The following NTRK2 variants were observed in gnomAD, a reference collection of about 807,000 sequenced individuals.
NTRK2 encodes the protein neurotrophic receptor tyrosine kinase 2, also known as BDNF/NT-3 growth factors receptor.
A neutral mutation model predicts 94.5 loss-of-function variants in NTRK2; 13 were observed. The observed-to-expected ratio is 0.14, with a 90% CI of 0.09 to 0.22. NTRK2 has a LOEUF of 0.22. Ranked by LOEUF, NTRK2 falls within the 10% of genes least tolerant of loss-of-function variation. The pLI is 1.00. For missense variants in NTRK2, 639 were observed against 1,071.2 expected (o/e 0.60, Z 5.63); for synonymous variants, 372 against 407.4 (o/e 0.91, Z 1.05).
chr9:84,843,927 G>A (rs138345344), intron 12 of NTRK2, among the ~76,000 whole-genome samples: 1 of 152,166 alleles, frequency 6.6e-6, no homozygotes, highest in Non-Finnish European at 1.5e-5. Flanking sequence ...TGAGGGAAAA[G>A]GATTTTAAGG....
chr9:84,796,949 C>T (rs929476668), intron 12 of NTRK2, among the ~76,000 whole-genome samples: 3 of 151,974 alleles, frequency 2.0e-5, no homozygotes, highest in African/African-American at 7.3e-5. Flanking sequence ...AATTTTGATT[C>T]CTTTATATAT....
Position 84,971,587 on chromosome 9 carries a change from A to T in NTRK2, c.2172+16070A>T, listed in dbSNP as rs551635502. On this transcript the variant is annotated intron_variant, in intron 17 of 18. Coordinates refer to ENST00000277120, the MANE Select transcript of NTRK2 (RefSeq NM_006180.6). Reference sequence around the variant, plus strand: ...ATGGCAGATGGCCAGTGTGCTGGACATAGAGCCCAAGGTGCAAAACCCAGC... The same window carrying T: ...ATGGCAGATGGCCAGTGTGCTGGACTTAGAGCCCAAGGTGCAAAACCCAGC... 2.1e-4 allele frequency among the ~76,000 whole-genome samples: 32 copies of T among 152,352 alleles called. No homozygotes were observed. The East Asian group carries it at 2.3e-3, about 11-fold the overall frequency.
At chr9:84,698,141 G>A (rs987930397) in intron 2 of NTRK2, among the ~76,000 whole-genome samples, 8 of 152,062 alleles carry the variant, frequency 5.3e-5, no homozygotes, top group African/African-American at 1.9e-4. Context: ...GTATGTGTGT[G>A]TGTGTGTGTA....
At position 84,779,463 on chromosome 9, in the gene NTRK2, G is replaced by A. The variant is rs531987546; in HGVS notation, c.1396+27378G>A. On this transcript the variant is annotated intron_variant, in intron 12 of 18. Transcript: ENST00000277120. ...CCAACCCCCTCATCTTTTCTTTTGTGGTGAAGGCAAAAATAGAAGTGAATC... is the reference window on the plus strand; with the variant it reads ...CCAACCCCCTCATCTTTTCTTTTGTAGTGAAGGCAAAAATAGAAGTGAATC... Among the ~76,000 whole-genome samples, 6 of 152,234 alleles carry A rather than the reference G, an allele frequency of 3.9e-5. No homozygotes were observed. In the East Asian group the frequency reaches 9.7e-4, roughly 24 times the overall value.
At chr9:84,690,926 A>T (rs1587970130) in intron 2 of NTRK2, among the ~76,000 whole-genome samples, 2 of 152,334 alleles carry the variant, frequency 1.3e-5, no homozygotes, top group South Asian at 4.1e-4. Flanking sequence ...AATGAATGTT[A>T]AAAATGTCAC....
At chr9:84,826,906 A>T (rs187435665) in intron 12 of NTRK2, among the ~76,000 whole-genome samples, 1 of 152,188 alleles carries the variant, frequency 6.6e-6, no homozygotes, top group African/African-American at 2.4e-5. Flanking sequence ...TGTTTGTTGA[A>T]TGAATAAACA....
At position 84,706,533 on chromosome 9, in the gene NTRK2, T is replaced by G. The variant is rs575174291; in HGVS notation, c.360-1311T>G. Among the ~76,000 whole-genome samples the G allele has an allele frequency of 4.5e-3, 557 of 124,948 alleles. 4 individuals carry two copies. The highest frequency in any genetic ancestry group is 0.015 in the African/African-American group (513 of 34,122). 82.0% of individuals were successfully genotyped at this position (124,948 alleles called of 152,430 possible). A position where few individuals can be genotyped will look rare whatever the true frequency, so the allele number is the denominator to read the frequency against. On this transcript the variant is annotated intron_variant, in intron 4 of 18. Transcript: ENST00000277120. The stretch of plus-strand genomic sequence containing the variant: ...TGTGTTATTTTTTGTTTTTGTTTTT[T>G]TTTTTTTTTTTTTTGAGACGGAGTC...
At chr9:84,882,719 T>TGTGCGCGCGCGCGCGCGCGCGC (rs761042296) in intron 14 of NTRK2, among the ~76,000 whole-genome samples, 1 of 145,742 alleles carries the variant, frequency 6.9e-6, no homozygotes, top group Non-Finnish European at 1.5e-5. Flanking sequence ...TGTGTGTGTG[T>TGTGCGCGCGCGCGCGCGCGCGC]GCGCGCGCGC....
In NTRK2 at chr9:84,672,562, G is replaced by A. The variant is rs544490908; in HGVS notation, c.212+1602G>A. ...GCTTCTGACTGTTTTGAGATTATGG[G>A]GAGTGCCTTCCACAGTCAGATATTG... On this transcript the variant is annotated intron_variant, in intron 2 of 18. Transcript: ENST00000277120. Among the ~76,000 whole-genome samples, 5 of 152,244 alleles carry A rather than the reference G, an allele frequency of 3.3e-5. No homozygotes were observed. The East Asian group carries it at 9.6e-4, about 29-fold the overall frequency.
intron 14 of NTRK2, among the ~76,000 whole-genome samples, chr9:84,899,522 C>T (rs1406918127): frequency 6.6e-6 from 1 of 152,224 alleles, no homozygotes. Context: ...ACCTACTTCC[C>T]AGTCTGGTGT....
At chr9:84,934,029 C>A (rs2078130192) in intron 14 of NTRK2, 133 bp from the exon 15 acceptor site, 1 of 939,966 alleles carries the variant, frequency 1.1e-6, no homozygotes, top group Non-Finnish European at 1.7e-6. Context: ...GGACACCCAG[C>A]TTCTTCGGTT....
intron 14 of NTRK2, chr9:84,875,321 G>T (rs1299054210): frequency 7.5e-6 from 8 of 1,059,990 alleles, no homozygotes; most frequent in African/African-American, 1.6e-5. Context: ...AAGAGCGGGG[G>T]TCTGGCCATA....
intron 17 of NTRK2, among the ~76,000 whole-genome samples, chr9:84,956,658 G>T (rs551833377): frequency 2.0e-5 from 3 of 152,300 alleles, no homozygotes; most frequent in South Asian, 4.1e-4. Flanking sequence ...TGGTGAAGAT[G>T]CTGGCTTTGC....
intron 17 of NTRK2, among the ~76,000 whole-genome samples, chr9:84,972,027 A>C (rs1284836627): frequency 2.6e-5 from 4 of 152,206 alleles, no homozygotes; most frequent in Non-Finnish European, 4.4e-5. Flanking sequence ...AAGTGATTTT[A>C]AGTCATCTGT....
intron 12 of NTRK2, among the ~76,000 whole-genome samples, chr9:84,831,912 T>C (rs937706743): frequency 2.0e-5 from 3 of 152,202 alleles, no homozygotes; most frequent in Admixed American, 6.5e-5. Flanking sequence ...AGGCAAGATA[T>C]TTTAGCTCAG....
intron 17 of NTRK2, among the ~76,000 whole-genome samples, chr9:85,006,123 A>G (rs2133457642): frequency 6.6e-6 from 1 of 152,348 alleles, no homozygotes; most frequent in African/African-American, 2.4e-5. Context: ...AGGAAAAAGA[A>G]ACCTATACTT....
intron 9 of NTRK2, 132 bp from the exon 10 acceptor site, chr9:84,741,760 C>G: frequency 1.4e-6 from 1 of 723,660 alleles, no homozygotes. Flanking sequence ...TTTTGTTTAC[C>G]TGTCCTGTGA....
intron 11 of NTRK2, 104 bp from the exon 12 acceptor site, chr9:84,751,882 A>C: frequency 1.1e-6 from 1 of 897,528 alleles, no homozygotes; most frequent in Non-Finnish European, 1.9e-6. Context: ...GCATTCAATA[A>C]ATATGAACTG....
intron 12 of NTRK2, among the ~76,000 whole-genome samples, chr9:84,840,236 G>A (rs2074097401): frequency 6.9e-6 from 1 of 145,586 alleles, no homozygotes; most frequent in African/African-American, 2.6e-5. Flanking sequence ...CTACCTTGAT[G>A]CATTCCAGGA....
Sources: gnomAD v4.1 joint callset for allele counts (sites outside exome capture counted in the v4.1 genomes callset) on GRCh38, gnomAD v4.1.1 for gene constraint, MANE v1.5 for transcripts, NCBI Gene and HGNC (gene_info 2026-07-23, HGNC 2026-07-21) for gene names.